Variants in RBFOX1 observed in about 807,000 individuals in gnomAD.
RBFOX1 encodes RNA binding protein fox-1 homolog 1.
A neutral mutation model predicts 57.7 loss-of-function variants in RBFOX1; 8 were observed. That is an observed-to-expected ratio of 0.14 (90% CI 0.08 to 0.25). RBFOX1 has a LOEUF of 0.25. Ranked by LOEUF, RBFOX1 falls within the 10% of genes least tolerant of loss-of-function variation. RBFOX1 has a pLI of 1.00. For missense variants in RBFOX1, 611 were observed against 548.5 expected, an observed-to-expected ratio of 1.11 and a Z score of -1.14; for synonymous variants, 326 against 222.4, an observed-to-expected ratio of 1.47 and a Z score of -4.15.
chr16:6,450,773 A>ATATATATATACATATATATATG (rs2094577646), intron 2 of RBFOX1, among the ~76,000 whole-genome samples: 6 of 38,552 alleles, frequency 1.6e-4, no homozygotes, highest in African/African-American at 1.0e-3. Flanking sequence ...ATGTGTATAT[A>ATATATATATACATATATATATG]TATATATATA....
chr16:7,696,646 A>G (rs2147847095), intron 14 of RBFOX1, among the ~76,000 whole-genome samples: 1 of 152,302 alleles, frequency 6.6e-6, no homozygotes, highest in East Asian at 1.9e-4. Flanking sequence ...TCTCATCAAA[A>G]GACCTTCATG....
intron 2 of RBFOX1, among the ~76,000 whole-genome samples, chr16:6,482,622 C>T (rs190426941): frequency 2.7e-4 from 41 of 152,320 alleles, no homozygotes; most frequent in Admixed American, 2.0e-3. Context: ...GCTGAAACCT[C>T]AGCGCATTCT....
chr16:6,978,932 C>A (rs546464649), intron 3 of RBFOX1, among the ~76,000 whole-genome samples: 130 of 152,346 alleles, frequency 8.5e-4, no homozygotes, highest in African/African-American at 3.1e-3. Context: ...GCCTGGGGAC[C>A]ACACCCATCT....
At chr16:6,994,080 G>A (rs1177671192) in intron 3 of RBFOX1, among the ~76,000 whole-genome samples, 1 of 152,134 alleles carries the variant, frequency 6.6e-6, no homozygotes, top group Non-Finnish European at 1.5e-5. Context: ...GTGCACTTTA[G>A]CTGTTGCTGA....
At chr16:6,382,804 G>T (rs1056403958) in intron 2 of RBFOX1, among the ~76,000 whole-genome samples, 3 of 152,180 alleles carry the variant, frequency 2.0e-5, no homozygotes, top group Admixed American at 6.5e-5. Flanking sequence ...AGGTTGCAGT[G>T]AGCCGAGATC....
At position 7,709,115 on chromosome 16, in the gene RBFOX1, ACGG is replaced by A. The variant is rs774848304; in HGVS notation, c.1058_1060del (p.Gly353del). 8.1e-6 allele frequency: 13 copies of A among 1,613,138 alleles called. No individual in the cohort carries two copies. Among genetic ancestry groups the A allele is most frequent in the African/African-American group, 2.7e-5 (2 of 74,868 alleles). Reference sequence around the variant, plus strand: ...CACGCACTTGCTCCAGCCCCCACCTACGGCGTTGGTGCCATGGTGAGTACAAGT... The same window carrying A: ...CACGCACTTGCTCCAGCCCCCACCTACGTTGGTGCCATGGTGAGTACAAGT... On this transcript the variant is annotated inframe_deletion, in exon 15 of 16. Transcript: ENST00000550418.
intron 1 of RBFOX1, among the ~76,000 whole-genome samples, chr16:5,312,072 A>T (rs1161596342): frequency 6.6e-6 from 1 of 152,152 alleles, no homozygotes; most frequent in Non-Finnish European, 1.5e-5. Flanking sequence ...CATGAATGAA[A>T]CCCCATATGT....
chr16:6,544,229 G>C (rs966550013), intron 2 of RBFOX1, among the ~76,000 whole-genome samples: 1 of 152,152 alleles, frequency 6.6e-6, no homozygotes, highest in African/African-American at 2.4e-5. Flanking sequence ...GACCACACTT[G>C]GTGGGGAAAG....
chr16:7,467,742 G>A (rs11077184), intron 4 of RBFOX1, among the ~76,000 whole-genome samples: 56,300 of 152,052 alleles, frequency 0.37, 11,292 homozygotes, highest in Non-Finnish European at 0.46. Context: ...TCTTCCCATG[G>A]TGCACATGCA....
At chr16:5,250,415 C>T (rs2062421743) in intron 1 of RBFOX1, among the ~76,000 whole-genome samples, 1 of 152,118 alleles carries the variant, frequency 6.6e-6, no homozygotes, top group Admixed American at 6.6e-5. Context: ...TAACACTCTC[C>T]CTCCCCTTGT....
chr16:7,370,749 G>C (rs1017818850), intron 4 of RBFOX1, among the ~76,000 whole-genome samples: 3 of 152,166 alleles, frequency 2.0e-5, no homozygotes, highest in African/African-American at 7.2e-5. Flanking sequence ...CCGAGGTTTT[G>C]GAATGTGAGT....
chr16:7,074,046 C>T (rs2057859005), intron 4 of RBFOX1, among the ~76,000 whole-genome samples: 1 of 152,042 alleles, frequency 6.6e-6, no homozygotes, highest in Non-Finnish European at 1.5e-5. Context: ...TGTTTTGTAA[C>T]AAGAAGGTTG....
Position 6,097,670 on chromosome 16 carries a change from C to A in RBFOX1, c.-127+77678C>A, listed in dbSNP as rs1053727138. On this transcript the variant is annotated intron_variant, in intron 1 of 15. Transcript: ENST00000550418. This position sits in a 1 kb window ranked among gnomAD's most constrained non-coding sequence, Gnocchi z 5.0. ...CTCAAGTGCTTAATAAGTGTCTAAG[C>A]TAGGATTTGACCCTAGGGCTTGTGA... is the stretch of plus-strand genomic sequence containing the variant. Among the ~76,000 whole-genome samples the A allele has an allele frequency of 1.3e-5, 2 of 152,048 alleles. No individual in the cohort carries two copies. The highest frequency in any genetic ancestry group is 2.9e-5 in the Non-Finnish European group (2 of 68,038).
At chr16:6,539,587 C>T (rs1018531979) in intron 2 of RBFOX1, among the ~76,000 whole-genome samples, 1 of 151,834 alleles carries the variant, frequency 6.6e-6, no homozygotes, top group Non-Finnish European at 1.5e-5. Context: ...CACCTAAGGT[C>T]GGGAGTTCAA....
At chr16:5,778,315 C>G (rs1042177183) in intron 3 of RBFOX1, among the ~76,000 whole-genome samples, 2 of 152,258 alleles carry the variant, frequency 1.3e-5, no homozygotes, top group East Asian at 3.9e-4. Flanking sequence ...TTTCCATGAT[C>G]TCATCTGATT....
In RBFOX1 at chr16:5,751,340, A is replaced by T. The variant is rs188525457; in HGVS notation, c.319-115963A>T. On this transcript the variant is annotated intron_variant, in intron 3 of 19. Transcript: ENST00000641259. ...CATTTGTAGTGCCCTACATTTGTGC[A>T]TCCCTTATCTTTCTTTTTCTCTCGG... 6.1e-5 allele frequency among the ~76,000 whole-genome samples: 9 copies of T among 146,768 alleles called. No individual in the cohort carries two copies. In the East Asian group the frequency reaches 1.8e-3, roughly 29 times the overall value.
At chr16:5,340,703 G>A (rs544172337) in intron 1 of RBFOX1, among the ~76,000 whole-genome samples, 8 of 152,318 alleles carry the variant, frequency 5.3e-5, no homozygotes, top group African/African-American at 1.7e-4. Flanking sequence ...ACTTAAAGTA[G>A]CAAGTAATCA....
chr16:6,652,943 T>G (rs2098608552), intron 2 of RBFOX1, among the ~76,000 whole-genome samples: 1 of 152,152 alleles, frequency 6.6e-6, no homozygotes. Flanking sequence ...AAACTCTGAG[T>G]GGTTTCTCAC....
chr16:6,915,275 G>A (rs1213921047), intron 3 of RBFOX1, among the ~76,000 whole-genome samples: 6 of 152,058 alleles, frequency 3.9e-5, no homozygotes, highest in Admixed American at 2.6e-4. Context: ...CTCCAAGAAG[G>A]GCCTGGGATT....
Sources: gnomAD v4.1 joint callset for allele counts (sites outside exome capture counted in the v4.1 genomes callset) on GRCh38, gnomAD v4.1.1 for gene constraint, Gnocchi (gnomAD v3.1) non-coding constraint, MANE v1.5 for transcripts, NCBI Gene and HGNC (gene_info 2026-07-23, HGNC 2026-07-21) for gene names.